The following ZNF567 variants were observed in gnomAD, a reference collection of about 807,000 sequenced individuals.
ZNF567 encodes the protein zinc finger protein 567.
A neutral mutation model predicts 53.9 loss-of-function variants in ZNF567; 36 were observed. The ratio of observed to expected loss-of-function variants is 0.67; its 90% CI spans 0.51 to 0.88. The LOEUF (loss-of-function observed/expected upper bound fraction) is 0.88, where lower values mean the gene tolerates loss of function less well. ZNF567 is among the 40% of genes least tolerant of loss of function. ZNF567 has a pLI of 0.00. For synonymous variants in ZNF567, 224 were observed against 260.4 expected, an observed-to-expected ratio of 0.86 and a Z score of 1.35; for missense variants, 619 against 764.7, an observed-to-expected ratio of 0.81 and a Z score of 2.25.
At chr19:36,670,083 G>A in the ZNF567 span, among the ~76,000 whole-genome samples, 1 of 151,950 alleles carries the variant, frequency 6.6e-6, no homozygotes, top group East Asian at 1.9e-4. Context: ...TTAGACACTG[G>A]CTCTGAACTG....
intron 5 of ZNF567, among the ~76,000 whole-genome samples, chr19:36,716,832 AT>A (rs1045774947): frequency 8.1e-5 from 12 of 149,002 alleles, no homozygotes; most frequent in East Asian, 1.9e-4. Context: ...ATCATGTAAA[AT>A]TTTTTTTTTT....
chr19:36,667,093 C>T, the ZNF567 span, among the ~76,000 whole-genome samples: 1 of 152,180 alleles, frequency 6.6e-6, no homozygotes, highest in African/African-American at 2.4e-5. Context: ...TAATTTTCGG[C>T]GGGCGCGGAC....
At chr19:36,700,574 G>A (rs887988135) in intron 3 of ZNF567, among the ~76,000 whole-genome samples, 1 of 151,634 alleles carries the variant, frequency 6.6e-6, no homozygotes, top group Non-Finnish European at 1.5e-5. Context: ...TGGTTGGTAA[G>A]CTATTGATTA....
chr19:36,676,278 C>G, the ZNF567 span, among the ~76,000 whole-genome samples: 1 of 151,318 alleles, frequency 6.6e-6, no homozygotes, highest in Admixed American at 6.6e-5. Flanking sequence ...ATTGGCCAGG[C>G]TGGTCTCGAA....
In ZNF567 at chr19:36,719,406, C is replaced by A. The variant is rs978457403; in HGVS notation, c.682C>A (p.His228Asn). 1.2e-6 allele frequency: 2 copies of A among 1,613,370 alleles called. No homozygotes were observed. Among genetic ancestry groups the A allele is most frequent in the African/African-American group, 1.3e-5 (1 of 74,776 alleles). ...CCTTCAAAGGGGAGGCCTGATTACA[C>A]ATAGTAGACCTTACAAAGGAGAAAA... ...SFLQRGGLIT[H>N]SRPYKGENPS... is the part of the protein sequence containing the mutation. The change falls in exon 6 of 6, where the codon CAT (histidine) becomes AAT (asparagine). Residue 228 changes from histidine to asparagine, a missense_variant. Transcript: ENST00000682579.
At chr19:36,678,769 G>T in the ZNF567 span, among the ~76,000 whole-genome samples, 1 of 151,344 alleles carries the variant, frequency 6.6e-6, no homozygotes, top group South Asian at 2.1e-4. Flanking sequence ...GTGTGAACCT[G>T]GGAGGCGGAG....
intron 2 of ZNF567, among the ~76,000 whole-genome samples, chr19:36,693,337 A>G (rs1476860500): frequency 6.6e-6 from 1 of 152,096 alleles, no homozygotes; most frequent in Non-Finnish European, 1.5e-5. Context: ...TGTGGGTGGT[A>G]CATGCCTATG....
chr19:36,677,308 A>C, the ZNF567 span, among the ~76,000 whole-genome samples: 1 of 148,956 alleles, frequency 6.7e-6, no homozygotes, highest in Non-Finnish European at 1.5e-5. Context: ...AAATACAAAA[A>C]ATTAGCCCAG....
chr19:36,715,790 A>G (rs1486475273), intron 5 of ZNF567, among the ~76,000 whole-genome samples: 1 of 151,680 alleles, frequency 6.6e-6, no homozygotes, highest in Non-Finnish European at 1.5e-5. Flanking sequence ...CAGCCTCCCA[A>G]AGTGCTGGGA....
chr19:36,687,598 G>A (rs2038311222), upstream of ZNF567: 1 of 152,396 alleles, frequency 6.6e-6, no homozygotes, highest in East Asian at 1.9e-4. Context: ...GTCCGCGTGG[G>A]AGTGCGCATG....
the ZNF567 span, chr19:36,666,954 A>G: frequency 6.6e-6 from 1 of 152,402 alleles, no homozygotes; most frequent in Non-Finnish European, 1.5e-5. Flanking sequence ...CCGAGGCTGG[A>G]GTGACGCCAA....
intron 2 of ZNF567, among the ~76,000 whole-genome samples, chr19:36,689,805 T>C (rs1300145604): frequency 6.6e-6 from 1 of 152,172 alleles, no homozygotes; most frequent in Non-Finnish European, 1.5e-5. Context: ...CTCACCACTT[T>C]GGTTCCTGGT....
At chr19:36,699,731 A>G (rs1041059941) in intron 3 of ZNF567, among the ~76,000 whole-genome samples, 7 of 151,792 alleles carry the variant, frequency 4.6e-5, no homozygotes, top group Admixed American at 1.3e-4. Flanking sequence ...TTTGTCTGTT[A>G]TTGGTGTATA....
chr19:36,707,864 C>G (rs2039577315), intron 3 of ZNF567, among the ~76,000 whole-genome samples: 1 of 152,164 alleles, frequency 6.6e-6, no homozygotes, highest in Non-Finnish European at 1.5e-5. Flanking sequence ...CAGGCGTGAG[C>G]CACTGCGCCC....
intron 3 of ZNF567, among the ~76,000 whole-genome samples, chr19:36,702,579 G>A (rs987151408): frequency 6.6e-6 from 1 of 151,880 alleles, no homozygotes; most frequent in African/African-American, 2.4e-5. Context: ...ACGTAGATTT[G>A]GTCTTTTCAA....
intron 5 of ZNF567, among the ~76,000 whole-genome samples, chr19:36,714,030 T>C (rs535061093): frequency 6.6e-6 from 1 of 152,364 alleles, no homozygotes; most frequent in South Asian, 2.1e-4. Flanking sequence ...ACTCTGAATG[T>C]ACCATAAGCC....
the ZNF567 span, among the ~76,000 whole-genome samples, chr19:36,680,632 A>G: frequency 6.6e-6 from 1 of 152,214 alleles, no homozygotes; most frequent in South Asian, 2.1e-4. Context: ...AGCTTTAAAC[A>G]ATAGTTTACT....
Position 36,712,823 on chromosome 19 carries a change from G to T in ZNF567, c.179G>T (p.Arg60Leu). The T allele has an allele frequency of 6.2e-7, 1 of 1,613,616 alleles. No individual in the cohort carries two copies. Among genetic ancestry groups the T allele is most frequent in the Non-Finnish European group, 8.5e-7 (1 of 1,179,530 alleles). ...TKPDVILKLE[R>L]GEEPWTSFAG... ...CCTGATGTGATCCTCAAGTTGGAAC[G>T]AGGAGAAGAGCCATGGACATCATTT... The change falls in exon 5 of 6, where the codon CGA becomes CTA. Residue 60 changes from arginine (R) to leucine (L), a missense_variant. Transcript: ENST00000682579.
chr19:36,678,637 G>A, the ZNF567 span, among the ~76,000 whole-genome samples: 163 of 151,966 alleles, frequency 1.1e-3, 1 homozygote, highest in African/African-American at 3.8e-3. Context: ...GAGGTCAGGA[G>A]ATTGAGACCA....
Sources: allele counts gnomAD v4.1 joint callset (sites outside exome capture counted in the v4.1 genomes callset), GRCh38; gene constraint gnomAD v4.1.1; transcripts MANE v1.5; gene names NCBI Gene and HGNC (gene_info 2026-07-23, HGNC 2026-07-21).